Variants in AXL observed in about 807,000 individuals in gnomAD.
The protein encoded by AXL is tyrosine-protein kinase receptor UFO.
In AXL, 52 loss-of-function variants were observed where a neutral mutation model predicts 104.5. The observed-to-expected ratio is 0.50, with a 90% CI of 0.40 to 0.63. The LOEUF is 0.63. Among genes scored for constraint, AXL ranks in the 20% least tolerant of loss-of-function variants. The probability of loss-of-function intolerance (pLI) is 0.00; values close to 1 mark genes in which losing one functional copy is unlikely to be tolerated. For missense variants in AXL, 1,024 were observed against 1,188.5 expected (o/e 0.86, Z 2.04); for synonymous variants, 455 against 473.7 (o/e 0.96, Z 0.51).
At chr19:41,256,419 CCCTGACCCTGTT>C (rs2034452934) in intron 17 of AXL, 21 bp from the exon 18 acceptor site, 1 of 1,598,408 alleles carries the variant, frequency 6.3e-7, no homozygotes, top group Non-Finnish European at 8.6e-7. Context: ...GTGACTGATG[CCCTGACCCTGTT>C]CCTTTCCCCA....
chr19:41,242,512 T>C (rs929800393), intron 10 of AXL, among the ~76,000 whole-genome samples: 19 of 152,056 alleles, frequency 1.2e-4, no homozygotes, highest in Middle Eastern at 3.4e-3. Context: ...TTTGTTTAAG[T>C]AGAGACAGGG....
chr19:41,255,824 A>G (rs2034444102), intron 17 of AXL, among the ~76,000 whole-genome samples: 1 of 151,982 alleles, frequency 6.6e-6, no homozygotes, highest in Admixed American at 6.6e-5. Context: ...AGCTCACTGC[A>G]ACCTCCGCCT....
In AXL at chr19:41,243,686, C is replaced by T. The variant is rs1456382289; in HGVS notation, c.1516C>T (p.Arg506Cys). The T allele has an allele frequency of 7.4e-6, 12 of 1,613,766 alleles. No individual in the cohort carries two copies. Among genetic ancestry groups the T allele is most frequent in the South Asian group, 3.3e-5 (3 of 91,070 alleles). The change falls in exon 12 of 20, where the codon CGT (arginine) becomes TGT (cysteine). Residue 506 changes from arginine (R) to cysteine (C), a missense_variant. Arg to Cys is a radical substitution (Grantham distance 180, BLOSUM62 -3). Around this residue, in one of 5 missense-constraint regions of AXL, gnomAD observed 523 missense variants for 636.0 expected, o/e 0.82. Coordinates refer to ENST00000301178, the MANE Select transcript of AXL (RefSeq NM_021913.5). The stretch of plus-strand genomic sequence containing the variant: ...GTACCGCGTGCGCAAGTCCTACAGT[C>T]GTCGGACCACTGAAGCTACCTGTAA... Reference protein sequence around the residue: ...VRYRVRKSYSRRTTEATLNSL... With the variant: ...VRYRVRKSYSCRTTEATLNSL...
At position 41,243,235 on chromosome 19, in the gene AXL, A is replaced by G. The variant is rs530127061; in HGVS notation, c.1445+220A>G. Among the ~76,000 whole-genome samples, 11 of 152,318 alleles carry G rather than the reference A, an allele frequency of 7.2e-5. No individual in the cohort carries two copies. In the South Asian group the frequency reaches 2.1e-3, roughly 29 times the overall value. On this transcript the variant is annotated intron_variant, in intron 11 of 19. Coordinates refer to ENST00000301178, the MANE Select transcript of AXL (RefSeq NM_021913.5). Reference sequence around the variant, plus strand: ...GGAGTTTGAGACCAGCCTGGCCAACATGGCGAAACCCTGTCTCTACTGAAA... The same window carrying G: ...GGAGTTTGAGACCAGCCTGGCCAACGTGGCGAAACCCTGTCTCTACTGAAA...
At chr19:41,223,659 G>C (rs1403532271) in intron 4 of AXL, among the ~76,000 whole-genome samples, 1 of 152,154 alleles carries the variant, frequency 6.6e-6, no homozygotes, top group Non-Finnish European at 1.5e-5. Context: ...CTGGGACCCT[G>C]AGTTGCAAGG....
intron 6 of AXL, among the ~76,000 whole-genome samples, chr19:41,232,987 TTTTTC>T (rs1236535976): frequency 6.6e-6 from 1 of 152,028 alleles, no homozygotes; most frequent in African/African-American, 2.4e-5. Context: ...TGTTTTTTGT[TTTTTC>T]TTTTCTTTTT....
chr19:41,228,223 C>T (rs959357033), intron 4 of AXL, among the ~76,000 whole-genome samples: 4 of 152,104 alleles, frequency 2.6e-5, no homozygotes, highest in Admixed American at 6.6e-5. Context: ...AACACCACCA[C>T]GTTAGGGAGG....
chr19:41,238,517 C>G lies in AXL; in HGVS notation c.1042C>G (p.Gln348Glu). ...CATTAGTGCTACGCGGAATGGGAGC[C>G]AGGCCTTCGTGCATTGGCAAGAGCC... ...ENISATRNGS[Q>E]AFVHWQEPRA... Residue 348 changes from glutamine (Q) to glutamate (E), a missense_variant, in exon 8 of 20, where the codon CAG becomes GAG. This residue lies in a region of AXL where 332 missense variants were observed against 343.9 expected (regional missense o/e 0.97). Coordinates refer to ENST00000301178, the MANE Select transcript of AXL (RefSeq NM_021913.5). The G allele has an allele frequency of 6.2e-7, 1 of 1,614,062 alleles. No individual in the cohort carries two copies. Among genetic ancestry groups the G allele is most frequent in the Non-Finnish European group, 8.5e-7 (1 of 1,179,962 alleles).
intron 18 of AXL, 95 bp from the exon 19 acceptor site, chr19:41,257,398 A>C: frequency 6.6e-7 from 1 of 1,509,700 alleles, no homozygotes. Flanking sequence ...GGTTGTGAAC[A>C]TGTGTACATA....
Position 41,257,643 on chromosome 19 carries a change from G to A in AXL, c.2333+14G>A. 2.5e-6 allele frequency: 4 copies of A among 1,614,024 alleles called. No homozygotes were observed. The highest frequency in any genetic ancestry group is 3.4e-6 in the Non-Finnish European group (4 of 1,179,946). On this transcript the variant is annotated intron_variant, in intron 19 of 19. Coordinates refer to ENST00000301178, the MANE Select transcript of AXL (RefSeq NM_021913.5). ...TCTGGATGGACTGTGAGGACCCTTA[G>A]GTCTCCCCCAACCCAGAATTCATTC...
intron 4 of AXL, chr19:41,226,802 T>C: frequency 1.0e-6 from 1 of 985,578 alleles, no homozygotes; most frequent in Non-Finnish European, 1.2e-6. Flanking sequence ...CTTACAAGAC[T>C]TGGTCCCAGG....
At chr19:41,254,829 G>A (rs1038359129) in intron 17 of AXL, among the ~76,000 whole-genome samples, 3 of 152,142 alleles carry the variant, frequency 2.0e-5, no homozygotes, top group Non-Finnish European at 4.4e-5. Context: ...TGGAAGGATT[G>A]CTAGAGCCCA....
At chr19:41,234,664 C>T (rs1354093587) in intron 6 of AXL, among the ~76,000 whole-genome samples, 2 of 152,190 alleles carry the variant, frequency 1.3e-5, no homozygotes, top group Admixed American at 6.5e-5. Context: ...AACTGTGATG[C>T]CCATTTTCCA....
At chr19:41,232,755 A>G (rs1162310135) in intron 6 of AXL, among the ~76,000 whole-genome samples, 2 of 152,196 alleles carry the variant, frequency 1.3e-5, no homozygotes, top group African/African-American at 2.4e-5. Context: ...GGGGGTGGAC[A>G]GTGCCTATGA....
chr19:41,219,810 AAGG>A (rs1441403354), intron 1 of AXL, among the ~76,000 whole-genome samples: 1 of 151,700 alleles, frequency 6.6e-6, no homozygotes, highest in Non-Finnish European at 1.5e-5. Context: ...GGTCGCCAGG[AAGG>A]AAGAAATCTT....
rs1176575086 is a variant in AXL, at chr19:41,226,121, A to AGG, written c.586+4069_586+4070dup. On this transcript the variant is annotated intron_variant, in intron 4 of 19. Transcript: ENST00000301178. ...AAGGTGCGGCCGTTGGGGCCTGGGA[A>AGG]GGGGGATCCCGGCTCTGGCTCCGCG... 2.0e-5 allele frequency among the ~76,000 whole-genome samples: 3 copies of AGG among 152,266 alleles called. No homozygotes were observed. The East Asian group carries it at 5.8e-4, about 29-fold the overall frequency.
At chr19:41,242,617 A>G (rs903865808) in intron 10 of AXL, among the ~76,000 whole-genome samples, 1 of 152,072 alleles carries the variant, frequency 6.6e-6, no homozygotes, top group East Asian at 1.9e-4. Flanking sequence ...GGCATGAGCC[A>G]CCACACCTGG....
rs182481095 is a variant in AXL, at chr19:41,219,402, C to T, written c.10C>T (p.Arg4Trp). 3.0e-5 allele frequency: 48 copies of T among 1,599,558 alleles called. No individual in the cohort carries two copies. The East Asian group carries it at 7.0e-4, about 23-fold the overall frequency. Residue 4 changes from arginine (R) to tryptophan (W), a missense_variant, in exon 1 of 20, where the codon CGG becomes TGG. Physicochemically the swap from Arg to Trp is moderately radical, Grantham distance 101. This residue lies in a region of AXL where 124 missense variants were observed against 115.5 expected (regional missense o/e 1.07). Coordinates refer to ENST00000301178, the MANE Select transcript of AXL (RefSeq NM_021913.5). ...GGAAAGTTTGGCACCCATGGCGTGG[C>T]GGTGCCCCAGGATGGGCAGGGTCCC... MAW[R>W]CPRMGRVPLA...
chr19:41,224,052 GTC>G (rs761840443), intron 4 of AXL, among the ~76,000 whole-genome samples: 1 of 151,824 alleles, frequency 6.6e-6, no homozygotes, highest in Non-Finnish European at 1.5e-5. Context: ...TTTATAGCAT[GTC>G]TCTCTCTCTA....
Sources: gnomAD v4.1 joint callset for allele counts (sites outside exome capture counted in the v4.1 genomes callset) on GRCh38, gnomAD v4.1.1 for gene constraint, gnomAD v4.1.1 regional missense constraint, MANE v1.5 for transcripts, NCBI Gene and HGNC (gene_info 2026-07-23, HGNC 2026-07-21) for gene names.